Variants in HEATR4 observed in about 807,000 individuals in gnomAD.
HEATR4 encodes the protein HEAT repeat containing 4, also known as HEAT repeat-containing protein 4.
Under a neutral mutation model 108.8 loss-of-function variants are expected in HEATR4, and 95 were observed. The observed-to-expected ratio is 0.87, with a 90% CI of 0.74 to 1.04. The LOEUF (loss-of-function observed/expected upper bound fraction) is 1.04. Ranked by LOEUF, HEATR4 falls within the 50% of genes least tolerant of loss-of-function variation. The pLI, the probability that HEATR4 is intolerant of heterozygous loss-of-function variation, is 0.00. For synonymous variants in HEATR4, 443 were observed against 459.4 expected (o/e 0.96, Z 0.46); for missense variants, 1,152 against 1,253.8 (o/e 0.92, Z 1.23).
At position 73,509,320 on chromosome 14, in the gene HEATR4, AG is replaced by A; in HGVS notation, c.1711del (p.Leu571PhefsTer2). 6.2e-7 allele frequency: 1 copy of A among 1,614,060 alleles called. No homozygotes were observed. Among genetic ancestry groups the A allele is most frequent in the South Asian group, 1.1e-5 (1 of 91,070 alleles). ...AACAGGGAGTTACTCACCCTTCAGAAGGGCAGTCTGCATGATGTTCCGGGCA... is the reference window on the plus strand; with the variant it reads ...AACAGGGAGTTACTCACCCTTCAGAAGGCAGTCTGCATGATGTTCCGGGCA... ...PLARNIMQTA[L>X]LKGNSVDSWA... On this transcript the variant is annotated frameshift_variant, in exon 8 of 18. Transcript: ENST00000553558. LOFTEE classifies it high-confidence loss of function.
chr14:73,615,388 T>TAAAAAAAAAA, the HEATR4 span, among the ~76,000 whole-genome samples: 18 of 63,270 alleles, frequency 2.8e-4, 1 homozygote, highest in African/African-American at 1.4e-3. Flanking sequence ...CTCTGTCTGA[T>TAAAAAAAAAA]AAAAAAAAAA....
At chr14:73,584,975 C>G in the HEATR4 span, among the ~76,000 whole-genome samples, 1 of 151,988 alleles carries the variant, frequency 6.6e-6, no homozygotes, top group Non-Finnish European at 1.5e-5. Context: ...GCTGCTCCAG[C>G]CTGGCAGTTT....
In HEATR4 at chr14:73,540,844, C is replaced by T. The variant is rs1237024539; in HGVS notation, c.-151-10600G>A. On this transcript the variant is annotated intron_variant, in intron 1 of 17. Transcript: ENST00000553558. ...GCAACCTCCAACTCCCGGGTTCAAG[C>T]GATTCTCCTCCCTCAGCCTCCCGAG... 7.4e-5 allele frequency among the ~76,000 whole-genome samples: 8 copies of T among 108,286 alleles called. 1 individual carries two copies. The highest frequency in any genetic ancestry group is 1.9e-4 in the African/African-American group (6 of 31,078). 71.0% of individuals were successfully genotyped at this position (108,286 alleles called of 152,430 possible). A position where few individuals can be genotyped will look rare whatever the true frequency, so the allele number is the denominator to read the frequency against.
chr14:73,575,331 A>G, the HEATR4 span: 1 of 901,580 alleles, frequency 1.1e-6, no homozygotes, highest in African/African-American at 2.3e-5. Flanking sequence ...AGGGCACTAT[A>G]TTGAGCCTCC....
the HEATR4 span, among the ~76,000 whole-genome samples, chr14:73,579,112 C>T: frequency 6.7e-6 from 1 of 149,102 alleles, no homozygotes; most frequent in South Asian, 2.1e-4. Flanking sequence ...AAAAAACAGC[C>T]AGGTATGGTG....
chr14:73,586,390 G>A, the HEATR4 span, among the ~76,000 whole-genome samples: 995 of 146,034 alleles, frequency 6.8e-3, 15 homozygotes, highest in African/African-American at 0.024. Context: ...GCAAAACTCC[G>A]TCTCAAAAAG....
chr14:73,492,119 G>C lies in HEATR4; in HGVS notation c.2844+947C>G. 3 of 1,613,936 alleles carry C rather than the reference G, an allele frequency of 1.9e-6. No homozygotes were observed. The highest frequency in any genetic ancestry group is 2.5e-6 in the Non-Finnish European group (3 of 1,179,838). On this transcript the variant is annotated intron_variant, in intron 17 of 17. Transcript: ENST00000553558. This position sits in a 1 kb window ranked among gnomAD's most constrained non-coding sequence, Gnocchi z 4.9. ...ATACCGACCCCGAGTCCCAACCGAG[G>C]AACTGGCTCTGACATCCAGCCCCAA...
chr14:73,502,768 C>T (rs1414608942), intron 11 of HEATR4, 127 bp downstream of exon 11: 7 of 715,092 alleles, frequency 9.8e-6, no homozygotes, highest in South Asian at 4.7e-5. Context: ...AGGATGGTCT[C>T]GATCTCCTGA....
In HEATR4 at chr14:73,509,820, A is replaced by G; in HGVS notation, c.1559-347T>C. On this transcript the variant is annotated intron_variant, in intron 7 of 17. Transcript: ENST00000553558. ...ATTTGCCCCATGAGCCCATATATATATATATATATATATATATATATATAT... is the reference window on the plus strand; with the variant it reads ...ATTTGCCCCATGAGCCCATATATATGTATATATATATATATATATATATAT... 1.6e-4 allele frequency among the ~76,000 whole-genome samples: 2 copies of G among 12,832 alleles called. 1 individual carries two copies. The highest frequency in any genetic ancestry group is 6.8e-3 in the South Asian group (2 of 294). The allele number at this position is 12,832 out of a possible 152,430, so 8.4% of individuals were successfully genotyped here.
the HEATR4 span, among the ~76,000 whole-genome samples, chr14:73,585,314 C>T: frequency 6.6e-6 from 1 of 152,144 alleles, no homozygotes; most frequent in African/African-American, 2.4e-5. Flanking sequence ...GGACACAAGC[C>T]TCCTGCTCAG....
At chr14:73,590,582 G>GGGGCTC in the HEATR4 span, among the ~76,000 whole-genome samples, 2 of 152,216 alleles carry the variant, frequency 1.3e-5, no homozygotes, top group African/African-American at 4.8e-5. Flanking sequence ...GGCGGGGGCG[G>GGGGCTC]GGGCTCAGGC....
At chr14:73,589,940 C>G in the HEATR4 span, among the ~76,000 whole-genome samples, 2 of 152,124 alleles carry the variant, frequency 1.3e-5, no homozygotes, top group Admixed American at 1.3e-4. Flanking sequence ...TTGTTCGTTC[C>G]TCCTGGTGAG....
chr14:73,499,177 A>G lies in HEATR4; in HGVS notation c.2287-37T>C, dbSNP rs1368191000. ...AAGGCAGTGTTGAGTGGGGAGGACCAGAGCAAGAATGAACCAGAAACAGCT... is the reference window on the plus strand; with the variant it reads ...AAGGCAGTGTTGAGTGGGGAGGACCGGAGCAAGAATGAACCAGAAACAGCT... On this transcript the variant is annotated intron_variant, in intron 12 of 17. Transcript: ENST00000553558. 3 of 1,583,756 alleles carry G rather than the reference A, an allele frequency of 1.9e-6. No homozygotes were observed. The Admixed American group carries it at 5.0e-5, about 26-fold the overall frequency.
the HEATR4 span, among the ~76,000 whole-genome samples, chr14:73,568,587 C>A: frequency 6.6e-3 from 1,007 of 151,944 alleles, 17 homozygotes; most frequent in African/African-American, 0.023. Context: ...GTAACCCTTG[C>A]CTGACTGGGA....
At chr14:73,569,604 C>T in the HEATR4 span, 1 of 1,601,442 alleles carries the variant, frequency 6.2e-7, no homozygotes, top group Non-Finnish European at 8.5e-7. Flanking sequence ...TCTTGGCGAG[C>T]TGGACCTGGA....
Position 73,478,666 on chromosome 14 carries a change from C to T in HEATR4, c.3021G>A (p.Glu1007=). 6.2e-7 allele frequency: 1 copy of T among 1,613,760 alleles called. No homozygotes were observed. ...YPALYLGKFS[E]RTFFSPIMSS... ...ACATGATGGGAGAAAAAAATGTTCT[C>T]TCTGAGAATTTACCCAGATAAAGAG... is the stretch of plus-strand genomic sequence containing the variant. Residue 1007 remains glutamate (E), a synonymous_variant, in exon 18 of 18, where the codon GAG becomes GAA. Coordinates refer to ENST00000553558, the MANE Select transcript of HEATR4 (RefSeq NM_001220484.1).
intron 9 of HEATR4, 136 bp downstream of exon 9, chr14:73,507,998 G>A (rs1378898778): frequency 1.3e-5 from 10 of 767,976 alleles, no homozygotes; most frequent in South Asian, 3.4e-5. Flanking sequence ...CACCTGCCTC[G>A]GCCTCCCGAA....
At chr14:73,566,076 A>G in the HEATR4 span, among the ~76,000 whole-genome samples, 1 of 152,172 alleles carries the variant, frequency 6.6e-6, no homozygotes, top group Non-Finnish European at 1.5e-5. Flanking sequence ...AGGTTCTCCA[A>G]GTCCCCACCA....
the HEATR4 span, among the ~76,000 whole-genome samples, chr14:73,579,890 C>G: frequency 6.6e-6 from 1 of 151,894 alleles, no homozygotes; most frequent in Non-Finnish European, 1.5e-5. Context: ...GTCAGAAGTT[C>G]GAGAGCAGCC....
Sources: gnomAD v4.1 joint callset for allele counts (sites outside exome capture counted in the v4.1 genomes callset) on GRCh38, gnomAD v4.1.1 for gene constraint, Gnocchi (gnomAD v3.1) non-coding constraint, MANE v1.5 for transcripts, NCBI Gene and HGNC (gene_info 2026-07-23, HGNC 2026-07-21) for gene names.